KIAA1217: variants seen among roughly 807,000 people sequenced by gnomAD.
The protein encoded by KIAA1217 is KIAA1217.
Under a neutral mutation model 163.9 loss-of-function variants are expected in KIAA1217, and 88 were observed. That is an observed-to-expected ratio of 0.54 (90% CI 0.45 to 0.64). The LOEUF is 0.64. KIAA1217 is among the 30% of genes least tolerant of loss of function. The probability of loss-of-function intolerance (pLI) is 0.00; values close to 1 mark genes in which losing one functional copy is unlikely to be tolerated. For missense variants in KIAA1217, 2,372 were observed against 2,475.0 expected, an observed-to-expected ratio of 0.96 and a Z score of 0.88; for synonymous variants, 903 against 923.1, an observed-to-expected ratio of 0.98 and a Z score of 0.39.
chr10:23,871,767 G>T (rs1233241417), intron 1 of KIAA1217, among the ~76,000 whole-genome samples: 4 of 152,162 alleles, frequency 2.6e-5, no homozygotes, highest in Non-Finnish European at 5.9e-5. Flanking sequence ...ACCTCAGATT[G>T]TTACAGATTC....
At chr10:24,180,101 G>T (rs959890330) in intron 2 of KIAA1217, among the ~76,000 whole-genome samples, 18 of 152,030 alleles carry the variant, frequency 1.2e-4, no homozygotes, top group Admixed American at 3.3e-4. Flanking sequence ...CAAAAATAGG[G>T]GTGGCAGAGA....
chr10:24,209,035 G>T, upstream of KIAA1217: 2 of 618,478 alleles, frequency 3.2e-6, no homozygotes, highest in Non-Finnish European at 2.8e-6. Flanking sequence ...TCTCGGGCGA[G>T]GGAGACTTTG....
intron 1 of KIAA1217, among the ~76,000 whole-genome samples, chr10:23,982,398 G>C (rs910048827): frequency 6.6e-6 from 1 of 152,140 alleles, no homozygotes; most frequent in East Asian, 1.9e-4. Context: ...TGGGAGTGAC[G>C]CTGGCCTCTA....
chr10:23,873,688 T>TTC (rs752200216), intron 1 of KIAA1217, among the ~76,000 whole-genome samples: 46 of 130,408 alleles, frequency 3.5e-4, no homozygotes, highest in Admixed American at 3.0e-4. Flanking sequence ...AGTTGTCTGT[T>TTC]TCTCTCTCTC....
chr10:24,447,764 C>T (rs2061062557), intron 5 of KIAA1217, among the ~76,000 whole-genome samples: 1 of 152,170 alleles, frequency 6.6e-6, no homozygotes, highest in Non-Finnish European at 1.5e-5. Context: ...ATGTATCCCG[C>T]TATTGGCCAC....
At chr10:23,833,124 T>C (rs1018368770) in intron 1 of KIAA1217, among the ~76,000 whole-genome samples, 1 of 152,144 alleles carries the variant, frequency 6.6e-6, no homozygotes, top group Admixed American at 6.6e-5. Flanking sequence ...ATATCTAGAC[T>C]CCAGTATATC....
At chr10:23,784,959 A>G (rs1215281990) in intron 1 of KIAA1217, among the ~76,000 whole-genome samples, 1 of 152,048 alleles carries the variant, frequency 6.6e-6, no homozygotes, top group Non-Finnish European at 1.5e-5. Flanking sequence ...CTTTTGAACA[A>G]TTTTGCTATC....
At chr10:23,910,244 C>T (rs944742842) in intron 1 of KIAA1217, among the ~76,000 whole-genome samples, 2 of 151,492 alleles carry the variant, frequency 1.3e-5, no homozygotes, top group African/African-American at 4.9e-5. Flanking sequence ...ACGTGTATAC[C>T]TATGTAAAAA....
chr10:23,932,807 G>A (rs1170583077), intron 1 of KIAA1217, among the ~76,000 whole-genome samples: 1 of 152,178 alleles, frequency 6.6e-6, no homozygotes, highest in African/African-American at 2.4e-5. Context: ...GCACAACTGT[G>A]TGAGTTTCTT....
chr10:24,425,010 A>T (rs2059068141), intron 3 of KIAA1217, among the ~76,000 whole-genome samples: 1 of 152,134 alleles, frequency 6.6e-6, no homozygotes, highest in Non-Finnish European at 1.5e-5. Context: ...TGTCTTTCCC[A>T]TTTCAGATGC....
intron 1 of KIAA1217, among the ~76,000 whole-genome samples, chr10:23,963,619 G>C (rs1043856607): frequency 2.0e-5 from 3 of 152,130 alleles, no homozygotes; most frequent in Non-Finnish European, 2.9e-5. Context: ...ACAATCCTTT[G>C]AGTATATACC....
intron 2 of KIAA1217, among the ~76,000 whole-genome samples, chr10:24,188,690 G>T (rs760987814): frequency 1.5e-4 from 23 of 152,000 alleles, no homozygotes; most frequent in Non-Finnish European, 2.6e-4. Flanking sequence ...TAACGTGTTT[G>T]TCCTTTTTCA....
chr10:24,010,837 T>G (rs1185948005), intron 2 of KIAA1217, among the ~76,000 whole-genome samples: 2 of 152,020 alleles, frequency 1.3e-5, no homozygotes, highest in African/African-American at 4.8e-5. Flanking sequence ...AAATACTGCC[T>G]CTCCGGGATG....
At chr10:23,979,280 A>G (rs1193061749) in intron 1 of KIAA1217, among the ~76,000 whole-genome samples, 1 of 152,200 alleles carries the variant, frequency 6.6e-6, no homozygotes, top group Admixed American at 6.5e-5. Context: ...ACAGCGTCCT[A>G]AAGAGGTGAC....
At chr10:24,278,433 C>G (rs1216665748) in intron 2 of KIAA1217, among the ~76,000 whole-genome samples, 1 of 152,220 alleles carries the variant, frequency 6.6e-6, no homozygotes, top group Non-Finnish European at 1.5e-5. Context: ...CACTGACCTT[C>G]ATCTGTGAAG....
intron 2 of KIAA1217, among the ~76,000 whole-genome samples, chr10:24,072,269 G>T (rs915124794): frequency 2.0e-5 from 3 of 151,896 alleles, no homozygotes; most frequent in South Asian, 4.2e-4. Context: ...CTCAAGCAAT[G>T]CTCCCACCTC....
At chr10:23,993,193 G>A (rs377494154) in intron 1 of KIAA1217, among the ~76,000 whole-genome samples, 4 of 151,392 alleles carry the variant, frequency 2.6e-5, no homozygotes, top group South Asian at 4.2e-4. Context: ...CACCACACCC[G>A]GCTAATTTTT....
At chr10:23,825,449 T>C (rs12245154) in intron 1 of KIAA1217, among the ~76,000 whole-genome samples, 45,344 of 152,142 alleles carry the variant, frequency 0.3, 7,724 homozygotes, top group African/African-American at 0.45. Flanking sequence ...TTGATGAACA[T>C]ATATGTAAAT....
chr10:24,479,997 G>A (rs1235534555), intron 6 of KIAA1217, among the ~76,000 whole-genome samples: 1 of 152,136 alleles, frequency 6.6e-6, no homozygotes, highest in Non-Finnish European at 1.5e-5. Context: ...GCCACGTGGG[G>A]GATCACATTT....
Sources: gnomAD v4.1 joint callset for allele counts (sites outside exome capture counted in the v4.1 genomes callset) on GRCh38, gnomAD v4.1.1 for gene constraint, MANE v1.5 for transcripts, NCBI Gene and HGNC (gene_info 2026-07-23, HGNC 2026-07-21) for gene names.